Variants in MSI2 observed in about 807,000 individuals in gnomAD.
MSI2 encodes musashi RNA binding protein 2.
A neutral mutation model predicts 45.6 loss-of-function variants in MSI2; 17 were observed. That is an observed-to-expected ratio of 0.37 (90% CI 0.26 to 0.56). The LOEUF (loss-of-function observed/expected upper bound fraction) is 0.56. Ranked by LOEUF, MSI2 falls within the 20% of genes least tolerant of loss-of-function variation. MSI2 has a pLI of 0.77. For synonymous variants in MSI2, 156 were observed against 158.2 expected, an observed-to-expected ratio of 0.99 and a Z score of 0.11; for missense variants, 293 against 444.2, an observed-to-expected ratio of 0.66 and a Z score of 3.06.
In MSI2 at chr17:57,407,181, T is replaced by C. The variant is rs1427824757; in HGVS notation, c.405+5710T>C. ...AACAAGAGTGAATTGTTTTTTTTAATGTAATGAGACCTTCCCGTTTATCCG... is the reference window on the plus strand; with the variant it reads ...AACAAGAGTGAATTGTTTTTTTTAACGTAATGAGACCTTCCCGTTTATCCG... On this transcript the variant is annotated intron_variant, in intron 6 of 13. Transcript: ENST00000284073. The surrounding 1 kb of genome is among the most constrained non-coding windows in gnomAD (Gnocchi z 4.1). 1 of 152,136 alleles carries C rather than the reference T, an allele frequency of 6.6e-6. No homozygotes were observed. Among genetic ancestry groups the C allele is most frequent in the Non-Finnish European group, 1.5e-5 (1 of 68,024 alleles). The allele number at this position is 152,136 out of a possible 1,614,324, so 9.4% of individuals were successfully genotyped here.
the MSI2 span, among the ~76,000 whole-genome samples, chr17:57,699,836 T>C: frequency 6.6e-6 from 1 of 152,214 alleles, no homozygotes; most frequent in African/African-American, 2.4e-5. Context: ...AGCCTGGCTG[T>C]CCTGCTGCCC....
In MSI2 at chr17:57,498,806, C is replaced by T. The variant is rs142600076; in HGVS notation, c.406-30870C>T. 2.8e-3 allele frequency among the ~76,000 whole-genome samples: 419 copies of T among 151,874 alleles called. 3 individuals carry two copies. The highest frequency in any genetic ancestry group is 9.6e-3 in the African/African-American group (397 of 41,354). On this transcript the variant is annotated intron_variant, in intron 6 of 13. Coordinates refer to ENST00000284073, the MANE Select transcript of MSI2 (RefSeq NM_138962.4). ...ATTATACTTTAAGTTCTAGGGTACA[C>T]GTGCACAATGTGCAGATTTGTTATA...
intron 5 of MSI2, among the ~76,000 whole-genome samples, chr17:57,301,185 T>C (rs1188844124): frequency 2.6e-5 from 4 of 152,222 alleles, no homozygotes; most frequent in African/African-American, 9.6e-5. Context: ...TCTTGCTTTG[T>C]GGTATGGATG....
At chr17:57,549,660 A>G (rs2087258192) in intron 7 of MSI2, among the ~76,000 whole-genome samples, 1 of 152,144 alleles carries the variant, frequency 6.6e-6, no homozygotes, top group African/African-American at 2.4e-5. Flanking sequence ...TAGCCCCTCC[A>G]TTTACCTAAT....
intron 9 of MSI2, among the ~76,000 whole-genome samples, chr17:57,623,157 G>T (rs1417090006): frequency 6.6e-6 from 1 of 152,204 alleles, no homozygotes; most frequent in Non-Finnish European, 1.5e-5. Context: ...TGCCTAGGAA[G>T]GACTCTTGGC....
rs56827837 is a variant in MSI2 at position 57,445,551 on chromosome 17, T to TG, written c.405+44089dup. Among the ~76,000 whole-genome samples the TG allele has an allele frequency of 7.6e-3, 1,135 of 149,576 alleles. 13 individuals are homozygous for TG. The highest frequency in any genetic ancestry group is 0.027 in the African/African-American group (1,075 of 40,096). ...GAGGGATGGGTTAGTGACAGGGCGG[T>TG]GGGGGGGGGTGCATTTAATCATTTA... On this transcript the variant is annotated intron_variant, in intron 6 of 13. Transcript: ENST00000284073.
chr17:57,289,777 C>T (rs149264741), intron 5 of MSI2, among the ~76,000 whole-genome samples: 1 of 152,362 alleles, frequency 6.6e-6, no homozygotes, highest in Non-Finnish European at 1.5e-5. Context: ...TGGCTTCCCT[C>T]TGCTGCAGGA....
At chr17:57,371,895 A>T (rs963517025) in intron 5 of MSI2, among the ~76,000 whole-genome samples, 1 of 151,236 alleles carries the variant, frequency 6.6e-6, no homozygotes, top group African/African-American at 2.4e-5. Context: ...TATATAAAGG[A>T]GCTTATATAT....
chr17:57,294,337 G>A (rs953816953), intron 5 of MSI2, among the ~76,000 whole-genome samples: 4 of 152,166 alleles, frequency 2.6e-5, no homozygotes, highest in Non-Finnish European at 4.4e-5. Context: ...AGTGCCGGCA[G>A]GTGCAGGGGC....
At chr17:57,361,392 G>A (rs912449304) in intron 5 of MSI2, among the ~76,000 whole-genome samples, 1 of 151,842 alleles carries the variant, frequency 6.6e-6, no homozygotes, top group Non-Finnish European at 1.5e-5. Context: ...ACTGAGCTCA[G>A]AAGTTCGAGA....
At chr17:57,587,827 G>C (rs958930354) in intron 7 of MSI2, among the ~76,000 whole-genome samples, 9 of 152,162 alleles carry the variant, frequency 5.9e-5, no homozygotes, top group Non-Finnish European at 1.2e-4. Flanking sequence ...ATTAAGAGAT[G>C]GAATGGGGCT....
At chr17:57,416,939 C>G (rs1234318886) in intron 6 of MSI2, among the ~76,000 whole-genome samples, 1 of 152,204 alleles carries the variant, frequency 6.6e-6, no homozygotes, top group African/African-American at 2.4e-5. Context: ...GATGGGGCCA[C>G]AGAGATGGGT....
At chr17:57,390,683 G>A (rs1431708992) in intron 5 of MSI2, among the ~76,000 whole-genome samples, 3 of 152,304 alleles carry the variant, frequency 2.0e-5, no homozygotes, top group Admixed American at 1.3e-4. Context: ...CTGCCTACCA[G>A]CAAAGTTTTT....
intron 5 of MSI2, among the ~76,000 whole-genome samples, chr17:57,364,320 A>G (rs887823624): frequency 6.6e-6 from 1 of 152,228 alleles, no homozygotes; most frequent in African/African-American, 2.4e-5. Flanking sequence ...TTTGAATAAA[A>G]TAAAATACAT....
rs762601698 is a variant in MSI2 at position 57,677,024 on chromosome 17, A to G, written c.983A>G (p.His328Arg). ...LIATAFTNGY[H>R] is the part of the protein sequence containing the mutation. ...GCAACGGCCTTTACAAATGGATACC[A>G]TTGAGCAGGTGCTTTCGTTGCCATC... Residue 328 changes from histidine (H) to arginine (R), a missense_variant, in exon 13 of 14, where the codon CAT becomes CGT. Transcript: ENST00000284073. 7 of 1,613,938 alleles carry G rather than the reference A, an allele frequency of 4.3e-6. No individual in the cohort carries two copies. Among genetic ancestry groups the G allele is most frequent in the Non-Finnish European group, 5.1e-6 (6 of 1,179,794 alleles).
intron 5 of MSI2, among the ~76,000 whole-genome samples, chr17:57,397,867 T>TA (rs923168955): frequency 1.3e-5 from 2 of 152,214 alleles, no homozygotes; most frequent in African/African-American, 4.8e-5. Context: ...AGGTTTTGAT[T>TA]AAAACAGTTT....
chr17:57,295,995 T>TC (rs1910909566), intron 5 of MSI2, among the ~76,000 whole-genome samples: 1 of 38,080 alleles, frequency 2.6e-5, no homozygotes, highest in Non-Finnish European at 4.7e-5. Flanking sequence ...AGCCTTCCTT[T>TC]TTTTTTTTTT....
At chr17:57,313,426 C>A (rs1030326818) in intron 5 of MSI2, among the ~76,000 whole-genome samples, 4 of 152,192 alleles carry the variant, frequency 2.6e-5, no homozygotes, top group Admixed American at 6.5e-5. Flanking sequence ...GAATTGAAGA[C>A]CTTTTGTGTA....
At chr17:57,622,463 G>A (rs117312367) in intron 9 of MSI2, among the ~76,000 whole-genome samples, 2,155 of 152,338 alleles carry the variant, frequency 0.014, 22 homozygotes, top group Non-Finnish European at 0.022. Flanking sequence ...GCTGATACGA[G>A]TGTTAGAGAA....
Sources: allele counts gnomAD v4.1 joint callset (sites outside exome capture counted in the v4.1 genomes callset), GRCh38; gene constraint gnomAD v4.1.1; non-coding constraint Gnocchi (gnomAD v3.1); transcripts MANE v1.5; gene names NCBI Gene and HGNC (gene_info 2026-07-23, HGNC 2026-07-21).